Variants in KCTD13 observed in about 807,000 individuals in gnomAD.
KCTD13 encodes the protein BTB/POZ domain-containing adapter for CUL3-mediated RhoA degradation protein 1.
A neutral mutation model predicts 32.3 loss-of-function variants in KCTD13; 15 were observed. The observed-to-expected ratio is 0.46, with a 90% CI of 0.31 to 0.71. The LOEUF is 0.71. KCTD13 is among the 30% of genes least tolerant of loss of function. The pLI is 0.05. For synonymous variants in KCTD13, 189 were observed against 200.1 expected, an observed-to-expected ratio of 0.94 and a Z score of 0.47; for missense variants, 337 against 452.6, an observed-to-expected ratio of 0.74 and a Z score of 2.32.
At chr16:29,918,152 G>A (rs2068842371) in intron 2 of KCTD13, among the ~76,000 whole-genome samples, 1 of 152,164 alleles carries the variant, frequency 6.6e-6, no homozygotes, top group Non-Finnish European at 1.5e-5. Context: ...AGACTTATAG[G>A]TATTCTGTGG....
chr16:29,922,438 T>G (rs1176179988), intron 2 of KCTD13: 1 of 152,320 alleles, frequency 6.6e-6, no homozygotes, highest in East Asian at 1.9e-4. Flanking sequence ...TAAAACTCAC[T>G]ACTTTGTACT....
chr16:29,907,174 C>T (rs1193142529), intron 5 of KCTD13, 66 bp from the exon 6 acceptor site: 3 of 1,149,154 alleles, frequency 2.6e-6, no homozygotes, highest in Non-Finnish European at 3.8e-6. Context: ...ATCCCCCTGC[C>T]TAGGGCCCCT....
At chr16:29,925,099 C>T (rs2068973152) in intron 1 of KCTD13, among the ~76,000 whole-genome samples, 1 of 152,150 alleles carries the variant, frequency 6.6e-6, no homozygotes, top group Non-Finnish European at 1.5e-5. Flanking sequence ...TCGTTAACCC[C>T]TCCCTTAAGA....
chr16:29,926,219 G>T lies in KCTD13; in HGVS notation c.-186C>A, dbSNP rs1344155145. The T allele has an allele frequency of 3.3e-6, 2 of 610,068 alleles. No individual in the cohort carries two copies. The highest frequency in any genetic ancestry group is 4.3e-5 in the Admixed American group (1 of 23,278). The allele number at this position is 610,068 out of a possible 1,614,324, so 37.8% of individuals were successfully genotyped here. On this transcript the variant is annotated 5_prime_UTR_variant, in exon 1 of 6. Coordinates refer to ENST00000568000, the MANE Select transcript of KCTD13 (RefSeq NM_178863.5). ...CTCGCACCACCCGGAAGCCGGCGCC[G>T]GGCAGCTGCGCAGGCGCGGCCCCGC...
chr16:29,926,025 C>G lies in KCTD13; in HGVS notation c.9G>C (p.Ala3=). The change falls in exon 1 of 6, where the codon GCG becomes GCC. Residue 3 remains alanine, a synonymous_variant. Transcript: ENST00000568000. MS[A]EASGPAAAAA... ...CGGCGGCAGCCGGGCCCGAGGCCTC[C>G]GCCGACATGCCGGGTAGCAGCGGCG... 6.5e-7 allele frequency: 1 copy of G among 1,529,972 alleles called. No homozygotes were observed. The highest frequency in any genetic ancestry group is 1.2e-5 in the South Asian group (1 of 80,902). The allele number at this position is 1,529,972 out of a possible 1,614,324, so 94.8% of individuals were successfully genotyped here.
intron 5 of KCTD13, 58 bp from the exon 6 acceptor site, chr16:29,907,166 C>T: frequency 8.0e-7 from 1 of 1,257,834 alleles, no homozygotes; most frequent in South Asian, 1.3e-5. Context: ...GCAGGGCCAT[C>T]CCCCTGCCTA....
intron 2 of KCTD13, chr16:29,915,031 A>G (rs1340330940): frequency 6.6e-6 from 1 of 152,198 alleles, no homozygotes; most frequent in East Asian, 1.9e-4. Context: ...CATACATATA[A>G]GTCACTGGTG....
rs929477668 is a variant in KCTD13, at chr16:29,906,631, C to T, written c.*241G>A. 1.5e-6 allele frequency: 1 copy of T among 669,326 alleles called. No homozygotes were observed. Among genetic ancestry groups the T allele is most frequent in the Non-Finnish European group, 2.8e-6 (1 of 362,728 alleles). The allele number at this position is 669,326 out of a possible 1,614,324, so 41.5% of individuals were successfully genotyped here. ...AGCTGGAGAGGGAAGGACGCAGGGCCAGGGTGGGGACAAGTGTTGGCTTCG... is the reference window on the plus strand; with the variant it reads ...AGCTGGAGAGGGAAGGACGCAGGGCTAGGGTGGGGACAAGTGTTGGCTTCG... On this transcript the variant is annotated 3_prime_UTR_variant, in exon 6 of 6. Coordinates refer to ENST00000568000, the MANE Select transcript of KCTD13 (RefSeq NM_178863.5).
intron 5 of KCTD13, among the ~76,000 whole-genome samples, chr16:29,907,478 A>G (rs936383476): frequency 3.9e-5 from 6 of 152,208 alleles, no homozygotes; most frequent in African/African-American, 1.4e-4. Context: ...GGGAGGACTC[A>G]GTCATACACT....
intron 4 of KCTD13, chr16:29,911,487 T>C: frequency 1.8e-6 from 1 of 562,238 alleles, no homozygotes; most frequent in Non-Finnish European, 3.1e-6. Context: ...CCTCTTGGTG[T>C]CCCGACCTCC....
At chr16:29,921,169 T>C (rs760419042) in intron 2 of KCTD13, 8 of 152,170 alleles carry the variant, frequency 5.3e-5, no homozygotes, top group African/African-American at 7.2e-5. Flanking sequence ...ATGCCATTTA[T>C]GGACATTTAA....
intron 2 of KCTD13, chr16:29,913,252 T>A (rs1386230473): frequency 6.6e-6 from 1 of 151,856 alleles, no homozygotes; most frequent in African/African-American, 2.4e-5. Flanking sequence ...GGTCAGTTTT[T>A]AAAAATAAGA....
intron 2 of KCTD13, among the ~76,000 whole-genome samples, chr16:29,918,191 G>A (rs1283220060): frequency 6.6e-6 from 1 of 152,180 alleles, no homozygotes; most frequent in Non-Finnish European, 1.5e-5. Context: ...TTCAGGTAAG[G>A]ATTATCAATT....
At chr16:29,916,329 T>A (rs565152692) in intron 2 of KCTD13, among the ~76,000 whole-genome samples, 6 of 152,246 alleles carry the variant, frequency 3.9e-5, no homozygotes, top group African/African-American at 1.4e-4. Flanking sequence ...ACTCAAGTGA[T>A]CCTCCCACCT....
chr16:29,914,966 ACT>A (rs946168665), intron 2 of KCTD13: 3 of 150,400 alleles, frequency 2.0e-5, no homozygotes, highest in African/African-American at 7.4e-5. Context: ...ACATAGCAAG[ACT>A]CTGTCTCAAA....
intron 2 of KCTD13, among the ~76,000 whole-genome samples, chr16:29,918,802 T>C (rs2068857309): frequency 6.6e-6 from 1 of 152,138 alleles, no homozygotes; most frequent in South Asian, 2.1e-4. Context: ...GGATTACAGA[T>C]GCCCACCACC....
chr16:29,913,396 T>A (rs1441010447), intron 2 of KCTD13: 1 of 152,136 alleles, frequency 6.6e-6, no homozygotes, highest in East Asian at 1.9e-4. Context: ...CAGACCACTG[T>A]GTATATGAGA....
intron 1 of KCTD13, among the ~76,000 whole-genome samples, chr16:29,925,386 G>A (rs1057432848): frequency 1.3e-5 from 2 of 152,272 alleles, no homozygotes; most frequent in South Asian, 4.1e-4. Flanking sequence ...AAGCAGAGAG[G>A]GAAACAAAAG....
At position 29,925,420 on chromosome 16, in the gene KCTD13, G is replaced by C. The variant is rs949984739; in HGVS notation, c.244+370C>G. ...AGGCTGGGCAGTCGGAAGAAACTGAGGAAGGCTGCCAGGAGTAGTACTGCA... is the reference window on the plus strand; with the variant it reads ...AGGCTGGGCAGTCGGAAGAAACTGACGAAGGCTGCCAGGAGTAGTACTGCA... On this transcript the variant is annotated intron_variant, in intron 1 of 5. Coordinates refer to ENST00000568000, the MANE Select transcript of KCTD13 (RefSeq NM_178863.5). The C allele has an allele frequency of 9.8e-6, 3 of 306,162 alleles. No homozygotes were observed. In the Admixed American group the frequency reaches 1.4e-4, roughly 15 times the overall value. 19.0% of individuals were successfully genotyped at this position (306,162 alleles called of 1,614,324 possible). A position where few individuals can be genotyped will look rare whatever the true frequency, so the allele number is the denominator to read the frequency against.
Sources: gnomAD v4.1 joint callset for allele counts (sites outside exome capture counted in the v4.1 genomes callset) on GRCh38, gnomAD v4.1.1 for gene constraint, MANE v1.5 for transcripts, NCBI Gene and HGNC (gene_info 2026-07-23, HGNC 2026-07-21) for gene names.